HMBOX1: variants seen among roughly 807,000 people sequenced by gnomAD.
HMBOX1 encodes the protein homeobox-containing protein 1.
Under a neutral mutation model 54.5 loss-of-function variants are expected in HMBOX1, and 14 were observed. The ratio of observed to expected loss-of-function variants is 0.26; its 90% CI spans 0.17 to 0.40. HMBOX1 has a LOEUF of 0.40. HMBOX1 is among the 10% of genes least tolerant of loss of function. The pLI, the probability that HMBOX1 is intolerant of heterozygous loss-of-function variation, is 1.00. For synonymous variants in HMBOX1, 160 were observed against 181.0 expected (o/e 0.88, Z 0.93); for missense variants, 332 against 514.4 (o/e 0.65, Z 3.43).
At chr8:29,049,378 G>C in intron 9 of HMBOX1, 1 of 1,533,160 alleles carries the variant, frequency 6.5e-7, no homozygotes, top group Non-Finnish European at 8.7e-7. Context: ...GAAGAGAGGA[G>C]GATCTGATCC....
intron 1 of HMBOX1, among the ~76,000 whole-genome samples, chr8:28,950,111 C>G (rs1823144672): frequency 6.6e-6 from 1 of 152,162 alleles, no homozygotes; most frequent in Non-Finnish European, 1.5e-5. Flanking sequence ...GCTCGGAATG[C>G]CAGTATGTAT....
chr8:28,994,272 C>T (rs1831453505), intron 4 of HMBOX1, among the ~76,000 whole-genome samples: 1 of 151,782 alleles, frequency 6.6e-6, no homozygotes, highest in African/African-American at 2.4e-5. Flanking sequence ...AAAACAGAGT[C>T]ATTTTATTGT....
At chr8:28,977,508 CA>C (rs1170900795) in intron 3 of HMBOX1, among the ~76,000 whole-genome samples, 77 of 152,274 alleles carry the variant, frequency 5.1e-4, no homozygotes, top group African/African-American at 1.8e-3. Flanking sequence ...ATTATTGATG[CA>C]TATTTGAAAG....
intron 4 of HMBOX1, among the ~76,000 whole-genome samples, chr8:28,990,817 C>A (rs1830873544): frequency 2.0e-5 from 3 of 152,044 alleles, no homozygotes; most frequent in Admixed American, 1.3e-4. Flanking sequence ...CCACACCTGG[C>A]TAATTTTTGT....
chr8:28,928,497 G>A (rs982346615), intron 1 of HMBOX1, among the ~76,000 whole-genome samples: 6 of 152,096 alleles, frequency 3.9e-5, no homozygotes, highest in Non-Finnish European at 8.8e-5. Context: ...GACTATATAA[G>A]AGCCAGCAAT....
intron 4 of HMBOX1, among the ~76,000 whole-genome samples, chr8:28,981,713 C>T (rs549516571): frequency 6.6e-6 from 1 of 152,066 alleles, no homozygotes; most frequent in Non-Finnish European, 1.5e-5. Context: ...CTTTGAAACC[C>T]ATCCAATCTT....
intron 5 of HMBOX1, among the ~76,000 whole-genome samples, chr8:29,013,015 A>T (rs1419084673): frequency 6.6e-6 from 1 of 152,224 alleles, no homozygotes; most frequent in Non-Finnish European, 1.5e-5. Context: ...TCACAAAATG[A>T]AAAACTACTT....
intron 8 of HMBOX1, 138 bp downstream of exon 8, chr8:29,047,591 GAGTTTCACTCTTGTTGCCC>G: frequency 1.9e-6 from 1 of 519,784 alleles, no homozygotes; most frequent in South Asian, 2.2e-5. Context: ...TTTTGAGACG[GAGTTTCACTCTTGTTGCCC>G]AGGCTGGAGT....
At chr8:28,966,657 A>T (rs1309202168) in intron 2 of HMBOX1, among the ~76,000 whole-genome samples, 1 of 152,226 alleles carries the variant, frequency 6.6e-6, no homozygotes, top group Non-Finnish European at 1.5e-5. Context: ...ATATTAATAC[A>T]CATTGGAACA....
intron 1 of HMBOX1, among the ~76,000 whole-genome samples, chr8:28,943,047 T>C (rs907118356): frequency 1.3e-5 from 2 of 152,210 alleles, no homozygotes. Flanking sequence ...CCATCTGATT[T>C]TATTTGATGA....
intron 3 of HMBOX1, among the ~76,000 whole-genome samples, chr8:28,973,163 A>C (rs572180894): frequency 6.6e-6 from 1 of 152,316 alleles, no homozygotes; most frequent in East Asian, 1.9e-4. Flanking sequence ...TCCTTGGATC[A>C]GTGGGAAAGT....
intron 1 of HMBOX1, among the ~76,000 whole-genome samples, chr8:28,960,792 T>TG (rs1825434938): frequency 3.1e-5 from 3 of 96,358 alleles, no homozygotes; most frequent in African/African-American, 1.3e-4. Context: ...TTTTTTTTTT[T>TG]TTTTTTTTTT....
intron 1 of HMBOX1, among the ~76,000 whole-genome samples, chr8:28,963,028 A>G (rs1255583152): frequency 6.6e-6 from 1 of 152,128 alleles, no homozygotes; most frequent in Non-Finnish European, 1.5e-5. Flanking sequence ...TTTGTGGCCC[A>G]GGCTAGAGTG....
chr8:28,992,767 G>T (rs560195832), intron 4 of HMBOX1, among the ~76,000 whole-genome samples: 5 of 151,040 alleles, frequency 3.3e-5, no homozygotes, highest in Non-Finnish European at 4.4e-5. Context: ...CTACTCAGGA[G>T]GCTGAGGCAG....
chr8:28,973,803 G>GATTTT (rs1827847552), intron 3 of HMBOX1, among the ~76,000 whole-genome samples: 1 of 72,618 alleles, frequency 1.4e-5, no homozygotes, highest in Non-Finnish European at 2.6e-5. Context: ...ACATAATGGA[G>GATTTT]TTTTTTTTTT....
At chr8:28,905,329 G>A (rs1176102866) in intron 1 of HMBOX1, among the ~76,000 whole-genome samples, 1 of 151,894 alleles carries the variant, frequency 6.6e-6, no homozygotes, top group African/African-American at 2.4e-5. Context: ...AAAACCAGGC[G>A]CGCGTGCATG....
intron 6 of HMBOX1, among the ~76,000 whole-genome samples, chr8:29,039,733 G>A (rs1254517029): frequency 6.6e-6 from 1 of 152,006 alleles, no homozygotes; most frequent in Non-Finnish European, 1.5e-5. Flanking sequence ...CTCCTTGTCA[G>A]AGCACATGTG....
intron 1 of HMBOX1, among the ~76,000 whole-genome samples, chr8:28,906,060 A>T (rs934569470): frequency 3.3e-5 from 5 of 152,244 alleles, no homozygotes; most frequent in Admixed American, 2.0e-4. Context: ...ATCAGAGATT[A>T]ATCAGAGAGG....
At chr8:29,005,978 T>C (rs2132791357) in intron 4 of HMBOX1, among the ~76,000 whole-genome samples, 1 of 151,638 alleles carries the variant, frequency 6.6e-6, no homozygotes, top group African/African-American at 2.4e-5. Flanking sequence ...GCTATCACAG[T>C]TGATGCATTC....
Sources: gnomAD v4.1 joint callset for allele counts (sites outside exome capture counted in the v4.1 genomes callset) on GRCh38, gnomAD v4.1.1 for gene constraint, MANE v1.5 for transcripts, NCBI Gene and HGNC (gene_info 2026-07-23, HGNC 2026-07-21) for gene names.